The following CDH2 variants were observed in gnomAD, a reference collection of about 807,000 sequenced individuals.
CDH2 encodes cadherin 2, also known as cadherin-2.
In CDH2, 17 loss-of-function variants were observed where a neutral mutation model predicts 92.0. The ratio of observed to expected loss-of-function variants is 0.18; its 90% CI spans 0.13 to 0.28. CDH2 has a LOEUF of 0.28. Among genes scored for constraint, CDH2 ranks in the 10% least tolerant of loss-of-function variants. CDH2 has a pLI of 1.00. For missense variants in CDH2, 862 were observed against 1,133.1 expected (o/e 0.76, Z 3.44); for synonymous variants, 419 against 415.9 (o/e 1.01, Z -0.09).
At chr18:27,987,621 T>C (rs1245717683) in intron 11 of CDH2, among the ~76,000 whole-genome samples, 1 of 152,192 alleles carries the variant, frequency 6.6e-6, no homozygotes, top group African/African-American at 2.4e-5. Context: ...TTTTAAAATA[T>C]AGTTGTGGTT....
chr18:28,016,569 T>C (rs567092394), intron 2 of CDH2, among the ~76,000 whole-genome samples: 1 of 152,280 alleles, frequency 6.6e-6, no homozygotes, highest in Non-Finnish European at 1.5e-5. Context: ...TTATGTCACA[T>C]GTTAACCTTA....
chr18:28,031,380 T>C (rs2013691383), intron 2 of CDH2, among the ~76,000 whole-genome samples: 1 of 152,088 alleles, frequency 6.6e-6, no homozygotes, highest in Admixed American at 6.6e-5. Flanking sequence ...TCAGTCATTA[T>C]CCAGCATAAG....
At chr18:28,155,674 T>C (rs2016197917) in intron 1 of CDH2, among the ~76,000 whole-genome samples, 1 of 152,216 alleles carries the variant, frequency 6.6e-6, no homozygotes, top group Non-Finnish European at 1.5e-5. Flanking sequence ...AAACAGTTAA[T>C]GAAGACACTG....
intron 2 of CDH2, among the ~76,000 whole-genome samples, chr18:28,048,195 G>A (rs1257928735): frequency 6.6e-6 from 1 of 152,098 alleles, no homozygotes. Flanking sequence ...GCCTCACAGA[G>A]GTTAAGCAAT....
At chr18:27,998,403 A>G (rs2586573) in intron 7 of CDH2, among the ~76,000 whole-genome samples, 2,746 of 152,264 alleles carry the variant, frequency 0.018, 117 homozygotes, top group African/African-American at 0.064. Context: ...AGGAAGGTAA[A>G]GGAGCTTGCC....
chr18:27,987,624 T>A (rs1311098095), intron 11 of CDH2, among the ~76,000 whole-genome samples: 1 of 152,212 alleles, frequency 6.6e-6, no homozygotes, highest in Non-Finnish European at 1.5e-5. Context: ...TAAAATATAG[T>A]TGTGGTTCAG....
chr18:28,034,758 C>T (rs994484966), intron 2 of CDH2, among the ~76,000 whole-genome samples: 1 of 151,992 alleles, frequency 6.6e-6, no homozygotes, highest in African/African-American at 2.4e-5. Context: ...AGACCAGTCA[C>T]CTTTTTTTGC....
In CDH2 at chr18:28,110,336, A is replaced by G. The variant is rs138483837; in HGVS notation, c.172+37337T>C. Among the ~76,000 whole-genome samples the G allele has an allele frequency of 4.0e-3, 608 of 152,318 alleles. 7 individuals are homozygous for G. Among genetic ancestry groups the G allele is most frequent in the African/African-American group, 0.014 (589 of 41,570 alleles). On this transcript the variant is annotated intron_variant, in intron 2 of 15. Coordinates refer to ENST00000269141, the MANE Select transcript of CDH2 (RefSeq NM_001792.5). ...AAATTATTTCTTGAGAATGAACCTG[A>G]GCCCTTTGTGAGATGCTGAGTTAAG...
chr18:27,979,868 GGT>G (rs2011985621), intron 14 of CDH2, among the ~76,000 whole-genome samples: 1 of 152,156 alleles, frequency 6.6e-6, no homozygotes, highest in African/African-American at 2.4e-5. Flanking sequence ...GTTCTTTGTT[GGT>G]GTGAGTTGTA....
chr18:27,966,367 T>A (rs2011534613), intron 14 of CDH2, among the ~76,000 whole-genome samples: 1 of 152,178 alleles, frequency 6.6e-6, no homozygotes, highest in South Asian at 2.1e-4. Flanking sequence ...GTGACAAATA[T>A]AAGAATATAG....
intron 2 of CDH2, among the ~76,000 whole-genome samples, chr18:28,126,678 T>C (rs1245086429): frequency 6.6e-6 from 1 of 152,184 alleles, no homozygotes; most frequent in Non-Finnish European, 1.5e-5. Context: ...TTCTATTAAA[T>C]AAAGAGAGTG....
downstream of CDH2, chr18:27,950,860 T>C (rs1386903017): frequency 6.6e-6 from 1 of 152,306 alleles, no homozygotes; most frequent in Non-Finnish European, 1.5e-5. Context: ...CAATGGTGAA[T>C]AGTGCAAGAA....
chr18:28,115,589 T>G (rs1430705493), intron 2 of CDH2, among the ~76,000 whole-genome samples: 2 of 152,134 alleles, frequency 1.3e-5, no homozygotes, highest in African/African-American at 4.8e-5. Flanking sequence ...ATCCTGAGGA[T>G]AGACAGAAGA....
chr18:27,981,839 T>C (rs2012066782), intron 14 of CDH2, among the ~76,000 whole-genome samples: 1 of 152,224 alleles, frequency 6.6e-6, no homozygotes, highest in African/African-American at 2.4e-5. Context: ...CAAAGAATCC[T>C]GGGTTCTCTT....
intron 14 of CDH2, among the ~76,000 whole-genome samples, chr18:27,965,995 A>T (rs930252525): frequency 6.7e-6 from 1 of 149,566 alleles, no homozygotes; most frequent in Non-Finnish European, 1.5e-5. Flanking sequence ...AAAAGGAAAA[A>T]AAAAAAAAAA....
intron 14 of CDH2, among the ~76,000 whole-genome samples, chr18:27,980,794 CAAAAA>C (rs777659826): frequency 4.0e-5 from 3 of 75,022 alleles, no homozygotes; most frequent in Non-Finnish European, 6.0e-5. Flanking sequence ...TGGCTGGGGT[CAAAAA>C]AAAAAAAAAA....
chr18:27,989,699 G>A (rs2012346949), intron 10 of CDH2, among the ~76,000 whole-genome samples: 1 of 152,116 alleles, frequency 6.6e-6, no homozygotes, highest in South Asian at 2.1e-4. Context: ...TTAGATCCTG[G>A]TTTTGGCATA....
chr18:28,071,655 T>G (rs1324999314), intron 2 of CDH2, among the ~76,000 whole-genome samples: 1 of 152,218 alleles, frequency 6.6e-6, no homozygotes, highest in Non-Finnish European at 1.5e-5. Flanking sequence ...GCATGCATTT[T>G]CTTAATCAGC....
chr18:28,073,716 T>A (rs997445503), intron 2 of CDH2, among the ~76,000 whole-genome samples: 2 of 152,172 alleles, frequency 1.3e-5, no homozygotes, highest in South Asian at 2.1e-4. Context: ...GACAAAGTAA[T>A]CAAGCTACTA....
Sources: gnomAD v4.1 joint callset for allele counts (sites outside exome capture counted in the v4.1 genomes callset) on GRCh38, gnomAD v4.1.1 for gene constraint, MANE v1.5 for transcripts, NCBI Gene and HGNC (gene_info 2026-07-23, HGNC 2026-07-21) for gene names.